The following PALLD variants were observed in gnomAD, a reference collection of about 807,000 sequenced individuals.
The protein encoded by PALLD is palladin.
A neutral mutation model predicts 123.5 loss-of-function variants in PALLD; 61 were observed. That is an observed-to-expected ratio of 0.49 (90% CI 0.40 to 0.61). The LOEUF (loss-of-function observed/expected upper bound fraction) is 0.61, where lower values mean the gene tolerates loss of function less well. PALLD is among the 20% of genes least tolerant of loss of function. The probability of loss-of-function intolerance (pLI) is 0.00; values close to 1 mark genes in which losing one functional copy is unlikely to be tolerated. For missense variants in PALLD, 1,273 were observed against 1,377.0 expected, an observed-to-expected ratio of 0.92 and a Z score of 1.20; for synonymous variants, 465 against 496.4, an observed-to-expected ratio of 0.94 and a Z score of 0.84.
chr4:168,548,821 T>G (rs545930077), intron 2 of PALLD, among the ~76,000 whole-genome samples: 1 of 152,342 alleles, frequency 6.6e-6, no homozygotes, highest in Admixed American at 6.5e-5. Context: ...AATTAACGAT[T>G]TAAATACAAA....
At chr4:168,568,521 ATC>A (rs1768642838) in intron 2 of PALLD, among the ~76,000 whole-genome samples, 1 of 152,156 alleles carries the variant, frequency 6.6e-6, no homozygotes, top group Non-Finnish European at 1.5e-5. Flanking sequence ...AAAGAAAAAC[ATC>A]TGTCTTTAAA....
At chr4:168,708,425 C>T (rs1784420150) in intron 8 of PALLD, among the ~76,000 whole-genome samples, 1 of 152,146 alleles carries the variant, frequency 6.6e-6, no homozygotes, top group African/African-American at 2.4e-5. Context: ...ACCAAAGTCA[C>T]AAAGGCAAGA....
In PALLD at chr4:168,511,957, C is replaced by T. The variant is rs143682790; in HGVS notation, c.453C>T (p.Asn151=). 2.5e-4 allele frequency: 410 copies of T among 1,614,160 alleles called. 1 individual carries two copies. The highest frequency in any genetic ancestry group is 1.5e-3 in the South Asian group (139 of 91,088). Residue 151 remains asparagine, a synonymous_variant, in exon 2 of 22, where the codon AAC becomes AAT. Coordinates refer to ENST00000505667, the MANE Select transcript of PALLD (RefSeq NM_001166108.2). ...GTGGTGCAAAAACTCCCAGCACAAA[C>T]GTAAAGCCCAAAACGCCACATCAAA... ...EKRGAKTPST[N]VKPKTPHQRK...
intron 2 of PALLD, among the ~76,000 whole-genome samples, chr4:168,620,462 A>C (rs1203716643): frequency 6.6e-6 from 1 of 152,078 alleles, no homozygotes; most frequent in Non-Finnish European, 1.5e-5. Flanking sequence ...CTAAAAAAAC[A>C]AAAAAAATTA....
chr4:168,698,708 A>C (rs1295370167), intron 8 of PALLD, among the ~76,000 whole-genome samples: 1 of 152,064 alleles, frequency 6.6e-6, no homozygotes, highest in Non-Finnish European at 1.5e-5. Context: ...AGGACGTTGA[A>C]TCTAGTTGAT....
chr4:168,818,347 C>T (rs1742262704), intron 10 of PALLD, among the ~76,000 whole-genome samples: 1 of 152,060 alleles, frequency 6.6e-6, no homozygotes, highest in South Asian at 2.1e-4. Context: ...CCTGTAATCC[C>T]AGCACTTTGG....
intron 8 of PALLD, among the ~76,000 whole-genome samples, chr4:168,694,561 ACT>A (rs1782962344): frequency 6.6e-6 from 1 of 150,862 alleles, no homozygotes; most frequent in Non-Finnish European, 1.5e-5. Flanking sequence ...TCTTCTCTTT[ACT>A]CTCTTCCTTA....
intron 10 of PALLD, among the ~76,000 whole-genome samples, chr4:168,759,695 G>A (rs551220150): frequency 6.6e-6 from 1 of 152,190 alleles, no homozygotes; most frequent in East Asian, 1.9e-4. Context: ...AAAAGTGACT[G>A]AAATTCTAAT....
At chr4:168,887,131 A>AG (rs1362402631) in intron 10 of PALLD, among the ~76,000 whole-genome samples, 3 of 119,042 alleles carry the variant, frequency 2.5e-5, no homozygotes, top group Non-Finnish European at 3.8e-5. Flanking sequence ...AAAAAAAAAA[A>AG]AGAAAAAGAA....
intron 10 of PALLD, among the ~76,000 whole-genome samples, chr4:168,742,174 G>A (rs1037279232): frequency 2.0e-5 from 3 of 152,228 alleles, no homozygotes; most frequent in African/African-American, 7.2e-5. Flanking sequence ...GGATTTTAAT[G>A]TAGAGGTCGT....
chr4:168,499,171 C>G (rs1317334887), intron 1 of PALLD, among the ~76,000 whole-genome samples: 2 of 103,654 alleles, frequency 1.9e-5, no homozygotes, highest in Non-Finnish European at 3.8e-5. Flanking sequence ...CCTAAAGGAC[C>G]CTTTGTAGCA....
At chr4:168,717,260 CA>C (rs951480158) in intron 10 of PALLD, among the ~76,000 whole-genome samples, 1 of 152,042 alleles carries the variant, frequency 6.6e-6, no homozygotes, top group Non-Finnish European at 1.5e-5. Context: ...ATGAATGAAG[CA>C]AAAGCAGAAC....
chr4:168,894,428 C>T (rs1754683529), intron 11 of PALLD, 151 bp from the exon 12 acceptor site: 1 of 677,010 alleles, frequency 1.5e-6, no homozygotes, highest in African/African-American at 1.8e-5. Flanking sequence ...ACAACTGAAG[C>T]AAGAAAAAGA....
intron 2 of PALLD, among the ~76,000 whole-genome samples, chr4:168,596,408 G>T (rs1406976589): frequency 1.3e-5 from 2 of 152,106 alleles, no homozygotes; most frequent in Non-Finnish European, 2.9e-5. Flanking sequence ...TGCCAGGCAG[G>T]TGAGCAGGTC....
intron 2 of PALLD, among the ~76,000 whole-genome samples, chr4:168,553,700 TG>T (rs1423538777): frequency 3.9e-5 from 6 of 152,204 alleles, no homozygotes; most frequent in Non-Finnish European, 8.8e-5. Context: ...TTGTTGTTGT[TG>T]TTGTTGTTGG....
intron 2 of PALLD, among the ~76,000 whole-genome samples, chr4:168,623,425 A>G (rs1302453339): frequency 6.6e-6 from 1 of 152,260 alleles, no homozygotes; most frequent in Non-Finnish European, 1.5e-5. Context: ...ATGCTCACAT[A>G]AGCAAACTAT....
intron 10 of PALLD, chr4:168,878,103 A>T: frequency 6.9e-7 from 1 of 1,444,318 alleles, no homozygotes; most frequent in East Asian, 2.9e-5. Flanking sequence ...CCCTTCGCGC[A>T]GCCCTTCGGC....
chr4:168,589,926 C>T (rs1018733562), intron 2 of PALLD, among the ~76,000 whole-genome samples: 1 of 152,226 alleles, frequency 6.6e-6, no homozygotes, highest in Non-Finnish European at 1.5e-5. Context: ...TAAAACCCAG[C>T]TCTTCACCAG....
chr4:168,709,558 GGAAGGAAGGA>G (rs1784563112), intron 9 of PALLD, among the ~76,000 whole-genome samples: 20 of 716 alleles, frequency 0.028, 1 homozygote, highest in Non-Finnish European at 0.053. Context: ...AAGGAAGGAA[GGAAGGAAGGA>G]AGGAAGGAAG....
Sources: allele counts gnomAD v4.1 joint callset (sites outside exome capture counted in the v4.1 genomes callset), GRCh38; gene constraint gnomAD v4.1.1; transcripts MANE v1.5; gene names NCBI Gene and HGNC (gene_info 2026-07-23, HGNC 2026-07-21).